Variants in HECW1 observed in about 807,000 individuals in gnomAD.
HECW1 encodes the protein HECT, C2 and WW domain containing E3 ubiquitin protein ligase 1, also known as E3 ubiquitin-protein ligase HECW1.
A neutral mutation model predicts 182.3 loss-of-function variants in HECW1; 61 were observed. That is an observed-to-expected ratio of 0.33 (90% confidence interval 0.27 to 0.41). The LOEUF is 0.41. HECW1 is among the 10% of genes least tolerant of loss of function. The pLI, the probability that HECW1 is intolerant of heterozygous loss-of-function variation, is 1.00. For missense variants in HECW1, 1,739 were observed against 2,108.9 expected (o/e 0.82, Z 3.44); for synonymous variants, 859 against 832.6 (o/e 1.03, Z -0.55).
intron 2 of HECW1, among the ~76,000 whole-genome samples, chr7:43,173,983 AT>A (rs1167691979): frequency 6.6e-6 from 1 of 151,990 alleles, no homozygotes; most frequent in African/African-American, 2.4e-5. Flanking sequence ...GACTACAGGC[AT>A]GCACCATCAC....
intron 2 of HECW1, among the ~76,000 whole-genome samples, chr7:43,152,550 C>T (rs567613168): frequency 1.3e-5 from 2 of 152,288 alleles, no homozygotes; most frequent in African/African-American, 2.4e-5. Context: ...TGAGCTCTCT[C>T]TTATAAGGGT....
At chr7:43,425,271 A>C (rs1426665699) in intron 8 of HECW1, among the ~76,000 whole-genome samples, 2 of 148,492 alleles carry the variant, frequency 1.3e-5, no homozygotes, top group East Asian at 4.0e-4. Flanking sequence ...GCAGATGTAC[A>C]CATGTGGATA....
At chr7:43,354,602 A>G (rs1337607614) in intron 5 of HECW1, among the ~76,000 whole-genome samples, 1 of 152,208 alleles carries the variant, frequency 6.6e-6, no homozygotes, top group Admixed American at 6.5e-5. Flanking sequence ...CTATTTGAAA[A>G]TACGCAGAGG....
chr7:43,284,024 T>G (rs531701611), intron 3 of HECW1, among the ~76,000 whole-genome samples: 13 of 152,042 alleles, frequency 8.6e-5, no homozygotes, highest in Non-Finnish European at 1.6e-4. Flanking sequence ...GATGTGGGGA[T>G]TGAGTCAGGG....
At chr7:43,428,011 G>A (rs1293715038) in intron 8 of HECW1, among the ~76,000 whole-genome samples, 1 of 152,104 alleles carries the variant, frequency 6.6e-6, no homozygotes, top group Admixed American at 6.6e-5. Flanking sequence ...TCATGGCTTG[G>A]CATCCAACAC....
chr7:43,177,014 C>T (rs1792323834), intron 2 of HECW1, among the ~76,000 whole-genome samples: 1 of 152,096 alleles, frequency 6.6e-6, no homozygotes, highest in Non-Finnish European at 1.5e-5. Flanking sequence ...AGCTCTCTGG[C>T]TATTATTTTA....
intron 7 of HECW1, among the ~76,000 whole-genome samples, chr7:43,401,577 T>TG (rs2075414017): frequency 1.3e-5 from 2 of 148,968 alleles, no homozygotes; most frequent in East Asian, 2.0e-4. Flanking sequence ...GTTTTTTTTT[T>TG]TTTTTTTTTC....
At chr7:43,396,418 TAAATGG>T (rs1291944880) in intron 6 of HECW1, among the ~76,000 whole-genome samples, 1 of 152,254 alleles carries the variant, frequency 6.6e-6, no homozygotes, top group Non-Finnish European at 1.5e-5. Context: ...TCTACTTTGC[TAAATGG>T]AAATACATTA....
intron 2 of HECW1, among the ~76,000 whole-genome samples, chr7:43,121,005 T>C (rs1259942491): frequency 2.6e-5 from 4 of 152,124 alleles, no homozygotes; most frequent in African/African-American, 9.7e-5. Flanking sequence ...TATTTTCAGG[T>C]CTCAGGATCC....
intron 3 of HECW1, among the ~76,000 whole-genome samples, chr7:43,260,800 C>T (rs1801093785): frequency 6.6e-6 from 1 of 152,118 alleles, no homozygotes; most frequent in Non-Finnish European, 1.5e-5. Context: ...TTGTAGGTTT[C>T]ATCTAGTTGG....
Position 43,280,625 on chromosome 7 carries a change from G to T in HECW1, c.28-31138G>T, listed in dbSNP as rs895607770. ...CACACTTAGAAGACTTTTGAGAGGA[G>T]GATGAGTACTCGTGATAATCCCAGT... On this transcript the variant is annotated intron_variant, in intron 3 of 29. Transcript: ENST00000395891. Among the ~76,000 whole-genome samples, 5 of 152,314 alleles carry T rather than the reference G, an allele frequency of 3.3e-5. No individual in the cohort carries two copies. The East Asian group carries it at 5.8e-4, about 18-fold the overall frequency.
At chr7:43,202,607 G>A (rs1335724153) in intron 2 of HECW1, among the ~76,000 whole-genome samples, 1 of 151,794 alleles carries the variant, frequency 6.6e-6, no homozygotes, top group Non-Finnish European at 1.5e-5. Context: ...CTGAGGAGCT[G>A]GGGTTACAGG....
chr7:43,149,227 A>C (rs967133411), intron 2 of HECW1, among the ~76,000 whole-genome samples: 6 of 152,206 alleles, frequency 3.9e-5, no homozygotes, highest in African/African-American at 1.4e-4. Flanking sequence ...ATCAAAGTCA[A>C]TTATCACCAG....
chr7:43,489,706 G>C (rs552746561), intron 17 of HECW1, among the ~76,000 whole-genome samples: 1 of 152,364 alleles, frequency 6.6e-6, no homozygotes, highest in African/African-American at 2.4e-5. Context: ...ACCACACACA[G>C]AGAGTGAACT....
chr7:43,541,766 TA>T, intron 25 of HECW1, 102 bp from the exon 26 acceptor site: 1 of 1,069,748 alleles, frequency 9.3e-7, no homozygotes, highest in Non-Finnish European at 1.3e-6. Flanking sequence ...ATTGTTAGGA[TA>T]AGTCTGTGAT....
intron 13 of HECW1, among the ~76,000 whole-genome samples, chr7:43,462,037 C>G (rs917351832): frequency 6.6e-6 from 1 of 152,216 alleles, no homozygotes; most frequent in African/African-American, 2.4e-5. Flanking sequence ...GTAAAAAAAG[C>G]TTTCCTCTGT....
At chr7:43,494,505 GA>G (rs2079044328) in intron 19 of HECW1, among the ~76,000 whole-genome samples, 4 of 147,108 alleles carry the variant, frequency 2.7e-5, no homozygotes, top group African/African-American at 9.9e-5. Context: ...ATAAAGTCAA[GA>G]TTTTTTTTTT....
intron 2 of HECW1, among the ~76,000 whole-genome samples, chr7:43,148,213 A>G (rs972095398): frequency 6.6e-6 from 1 of 152,210 alleles, no homozygotes; most frequent in African/African-American, 2.4e-5. Context: ...GCAGACCTCA[A>G]AGAGTTCTGG....
At position 43,552,368 on chromosome 7, in the gene HECW1, A is replaced by T. The variant is rs1563119848; in HGVS notation, c.4510+32A>T. ...GGGCAGGAGCTGTAATGATGCAATG[A>T]TCACAAATAGAACTCAGCACTTTCC... On this transcript the variant is annotated intron_variant, in intron 28 of 29. Transcript: ENST00000395891. 6 of 1,255,070 alleles carry T rather than the reference A, an allele frequency of 4.8e-6. No homozygotes were observed. The Admixed American group carries it at 5.0e-5, about 11-fold the overall frequency. The allele number at this position is 1,255,070 out of a possible 1,614,324, so 77.7% of individuals were successfully genotyped here.
Sources: allele counts gnomAD v4.1 joint callset (sites outside exome capture counted in the v4.1 genomes callset), GRCh38; gene constraint gnomAD v4.1.1; transcripts MANE v1.5; gene names NCBI Gene and HGNC (gene_info 2026-07-23, HGNC 2026-07-21).